The following PNPLA5 variants were observed in gnomAD, a reference collection of about 807,000 sequenced individuals.
PNPLA5 encodes patatin-like phospholipase domain-containing protein 5.
PNPLA5 carries 44 observed loss-of-function variants against 49.1 expected under a neutral mutation model. The ratio of observed to expected loss-of-function variants is 0.90; its 90% confidence interval spans 0.70 to 1.15. The LOEUF (loss-of-function observed/expected upper bound fraction) is 1.15, where lower values mean the gene tolerates loss of function less well. Among genes scored for constraint, PNPLA5 ranks in the 50% most tolerant of loss-of-function variants. The pLI is 0.00. For synonymous variants in PNPLA5, 243 were observed against 244.4 expected (o/e 0.99, Z 0.06); for missense variants, 603 against 564.0 (o/e 1.07, Z -0.70).
Position 43,889,309 on chromosome 22 carries a change from C to A in PNPLA5, c.702+20G>T. On this transcript the variant is annotated intron_variant, in intron 4 of 8. Coordinates refer to ENST00000216177, the MANE Select transcript of PNPLA5 (RefSeq NM_138814.4). ...TTGACCTTGGCCAAGCCTCTAACAC[C>A]ATCACAGGGCCAGACCTACCTCGAG... The A allele has an allele frequency of 6.2e-7, 1 of 1,612,530 alleles. No homozygotes were observed. The highest frequency in any genetic ancestry group is 8.5e-7 in the Non-Finnish European group (1 of 1,179,752).
intron 2 of PNPLA5, chr22:43,890,141 T>G: frequency 1.1e-6 from 1 of 914,658 alleles, no homozygotes; most frequent in Non-Finnish European, 1.3e-6. Context: ...CCCCAAAGAG[T>G]GGCCCAGACT....
Position 43,880,315 on chromosome 22 carries a change from G to T in PNPLA5, c.*480C>A, listed in dbSNP as rs923839994. On this transcript the variant is annotated 3_prime_UTR_variant, in exon 9 of 9. Coordinates refer to ENST00000216177, the MANE Select transcript of PNPLA5 (RefSeq NM_138814.4). The stretch of plus-strand genomic sequence containing the variant: ...ATTCAGAAGTCAAGGTTTCCTGAGT[G>T]GGGTAGATGCCGGGGGTCACCCCCA... The T allele has an allele frequency of 2.5e-6, 1 of 398,244 alleles. No homozygotes were observed. Among genetic ancestry groups the T allele is most frequent in the Non-Finnish European group, 4.4e-6 (1 of 226,118 alleles). The allele number at this position is 398,244 out of a possible 1,614,324, so 24.7% of individuals were successfully genotyped here.
At position 43,880,225 on chromosome 22, in the gene PNPLA5, T is replaced by A. The variant is rs138129; in HGVS notation, c.*570A>T. ...CCACAGCTGGGATCCTGAAAAGACCTGGACCCCCCTCTCCTCCTCCTCCTG... is the reference window on the plus strand; with the variant it reads ...CCACAGCTGGGATCCTGAAAAGACCAGGACCCCCCTCTCCTCCTCCTCCTG... On this transcript the variant is annotated 3_prime_UTR_variant, in exon 9 of 9. Coordinates refer to ENST00000216177, the MANE Select transcript of PNPLA5 (RefSeq NM_138814.4). The A allele has an allele frequency of 1.9e-4, 75 of 394,104 alleles. No individual in the cohort carries two copies. The highest frequency in any genetic ancestry group is 3.2e-4 in the Non-Finnish European group (72 of 223,946). The allele number at this position is 394,104 out of a possible 1,614,324, so 24.4% of individuals were successfully genotyped here. A position where few individuals can be genotyped will look rare whatever the true frequency, so the allele number is the denominator to read the frequency against.
rs139105784 is a variant in PNPLA5 at position 43,880,435 on chromosome 22, T to C, written c.*360A>G. 67 of 398,726 alleles carry C rather than the reference T, an allele frequency of 1.7e-4. No individual in the cohort carries two copies. The Middle Eastern group carries it at 2.5e-3, about 15-fold the overall frequency. 24.7% of individuals were successfully genotyped at this position (398,726 alleles called of 1,614,324 possible). On this transcript the variant is annotated 3_prime_UTR_variant, in exon 9 of 9. Transcript: ENST00000216177. ...GTCTCTGACGCGGGCATCAGGCACT[T>C]TCTCAATCTTCTGTGAGGTGCTCCG...
At position 43,891,835 on chromosome 22, in the gene PNPLA5, C is replaced by A; in HGVS notation, c.46G>T (p.Gly16Cys). ...TGGTGGGCGCCCAGGTAGCCGGCGC[C>A]GGAGAAGGACAGGTTCCATCTGCCC... is the stretch of plus-strand genomic sequence containing the variant. Reference protein sequence around the residue: ...EEGRWNLSFSGAGYLGAHHVG... With the variant: ...EEGRWNLSFSCAGYLGAHHVG... The change falls in exon 1 of 9, where the codon GGC becomes TGC. Residue 16 changes from glycine (G) to cysteine (C), a missense_variant. Physicochemically the swap from Gly to Cys is radical, Grantham distance 159. Coordinates refer to ENST00000216177, the MANE Select transcript of PNPLA5 (RefSeq NM_138814.4). The A allele has an allele frequency of 1.3e-6, 2 of 1,519,474 alleles. No individual in the cohort carries two copies. The highest frequency in any genetic ancestry group is 1.8e-6 in the Non-Finnish European group (2 of 1,138,608). The allele number at this position is 1,519,474 out of a possible 1,614,324, so 94.1% of individuals were successfully genotyped here. A position where few individuals can be genotyped will look rare whatever the true frequency, so the allele number is the denominator to read the frequency against.
chr22:43,884,637 C>G (rs1051663195), intron 6 of PNPLA5, among the ~76,000 whole-genome samples: 1 of 152,210 alleles, frequency 6.6e-6, no homozygotes, highest in African/African-American at 2.4e-5. Context: ...GACTTGAGGA[C>G]TCTCAGGCTC....
At chr22:43,891,362 C>T (rs1323149049) in intron 1 of PNPLA5, 68 bp from the exon 2 acceptor site, 5 of 1,483,718 alleles carry the variant, frequency 3.4e-6, no homozygotes, top group Non-Finnish European at 4.4e-6. Context: ...CACACCCCCA[C>T]TGCCCTCCTA....
chr22:43,886,514 A>G, intron 5 of PNPLA5, 26 bp from the exon 6 acceptor site: 1 of 1,594,132 alleles, frequency 6.3e-7, no homozygotes, highest in Non-Finnish European at 8.5e-7. Context: ...GGAGAGGATA[A>G]GTCAAGCATC....
intron 1 of PNPLA5, 83 bp downstream of exon 1, chr22:43,891,605 C>A: frequency 6.9e-7 from 1 of 1,440,458 alleles, no homozygotes; most frequent in East Asian, 2.6e-5. Flanking sequence ...CAGAGCACAG[C>A]GCCAGGCACC....
chr22:43,880,937 G>GGT, intron 8 of PNPLA5, 52 bp from the exon 9 acceptor site: 1 of 1,301,874 alleles, frequency 7.7e-7, no homozygotes, highest in African/African-American at 1.5e-5. Flanking sequence ...GGGAAGGGTA[G>GGT]GTGAAACCAC....
In PNPLA5 at chr22:43,886,446, T is replaced by C. The variant is rs1308294526; in HGVS notation, c.806A>G (p.Glu269Gly). 6.2e-7 allele frequency: 1 copy of C among 1,614,050 alleles called. No homozygotes were observed. The highest frequency in any genetic ancestry group is 1.1e-5 in the South Asian group (1 of 91,076). The change falls in exon 6 of 9, where the codon GAA (glutamate) becomes GGA (glycine). Residue 269 changes from glutamate (E) to glycine (G), a missense_variant. By Grantham distance (98) the Glu-to-Gly change is moderately conservative. Transcript: ENST00000216177. ...EPVLWTLVSK[E>G]PPAPADGNWD... is the part of the protein sequence containing the mutation. ...GTTTCCGTCAGCCGGGGCTGGGGGT[T>C]CCTTAGACACCAGCGTCCATAGCAC...
In PNPLA5 at chr22:43,880,405, C is replaced by T. The variant is rs2049596058; in HGVS notation, c.*390G>A. On this transcript the variant is annotated 3_prime_UTR_variant, in exon 9 of 9. Transcript: ENST00000216177. The stretch of plus-strand genomic sequence containing the variant: ...CCCACCCCATCATCTCAGTTGGCTC[C>T]TCTGGTCTCTGACGCGGGCATCAGG... 2.5e-6 allele frequency: 1 copy of T among 398,796 alleles called. No individual in the cohort carries two copies. The highest frequency in any genetic ancestry group is 4.4e-6 in the Non-Finnish European group (1 of 226,184). 24.7% of individuals were successfully genotyped at this position (398,796 alleles called of 1,614,324 possible).
rs1035167630 is a variant in PNPLA5, at chr22:43,891,896, C to T, written c.-16G>A. The T allele has an allele frequency of 1.3e-5, 19 of 1,504,968 alleles. No homozygotes were observed. In the Admixed American group the frequency reaches 1.4e-4, roughly 11 times the overall value. The allele number at this position is 1,504,968 out of a possible 1,614,324, so 93.2% of individuals were successfully genotyped here. ...AGAAGCCCATGGCGGGTGGACCGGG[C>T]GGGGTGATCGGGACGAGGAAGGGTC... On this transcript the variant is annotated 5_prime_UTR_variant, in exon 1 of 9. Coordinates refer to ENST00000216177, the MANE Select transcript of PNPLA5 (RefSeq NM_138814.4).
intron 1 of PNPLA5, 68 bp downstream of exon 1, chr22:43,891,620 T>TCTCTGG (rs2049724052): frequency 1.4e-6 from 2 of 1,465,098 alleles, no homozygotes; most frequent in East Asian, 5.1e-5. Context: ...GGCACCAGCG[T>TCTCTGG]CTCTGGGCTC....
intron 2 of PNPLA5, chr22:43,890,128 G>C: frequency 3.1e-6 from 3 of 972,464 alleles, no homozygotes; most frequent in Non-Finnish European, 3.7e-6. Context: ...AGCCAGCCGG[G>C]GACCCCAAAG....
intron 2 of PNPLA5, 87 bp from the exon 3 acceptor site, chr22:43,889,951 C>T (rs1357306982): frequency 1.9e-6 from 3 of 1,543,656 alleles, no homozygotes; most frequent in Non-Finnish European, 2.6e-6. Context: ...ATCCCAACAG[C>T]CTGCAAAGGA....
At chr22:43,890,634 A>T (rs2049712865) in intron 2 of PNPLA5, among the ~76,000 whole-genome samples, 1 of 152,200 alleles carries the variant, frequency 6.6e-6, no homozygotes, top group Admixed American at 6.5e-5. Flanking sequence ...TAGAAGCCCC[A>T]GGAAGGCAAG....
chr22:43,889,314 C>G lies in PNPLA5; in HGVS notation c.702+15G>C. 1 of 1,612,962 alleles carries G rather than the reference C, an allele frequency of 6.2e-7. No individual in the cohort carries two copies. Among genetic ancestry groups the G allele is most frequent in the Non-Finnish European group, 8.5e-7 (1 of 1,179,804 alleles). On this transcript the variant is annotated intron_variant, in intron 4 of 8. Transcript: ENST00000216177. Reference sequence around the variant, plus strand: ...CTTGGCCAAGCCTCTAACACCATCACAGGGCCAGACCTACCTCGAGGCTGG... The same window carrying G: ...CTTGGCCAAGCCTCTAACACCATCAGAGGGCCAGACCTACCTCGAGGCTGG...
rs2049729135 is a variant in PNPLA5, at chr22:43,891,829, C to G, written c.52G>C (p.Gly18Arg). 2 of 1,519,678 alleles carry G rather than the reference C, an allele frequency of 1.3e-6. No individual in the cohort carries two copies. Among genetic ancestry groups the G allele is most frequent in the Non-Finnish European group, 1.8e-6 (2 of 1,138,664 alleles). The allele number at this position is 1,519,678 out of a possible 1,614,324, so 94.1% of individuals were successfully genotyped here. The part of the protein sequence containing the change: ...GRWNLSFSGA[G>R]YLGAHHVGAT... Reference sequence around the variant, plus strand: ...CCCACGTGGTGGGCGCCCAGGTAGCCGGCGCCGGAGAAGGACAGGTTCCAT... The same window carrying G: ...CCCACGTGGTGGGCGCCCAGGTAGCGGGCGCCGGAGAAGGACAGGTTCCAT... The change falls in exon 1 of 9, where the codon GGC becomes CGC. Residue 18 changes from glycine (G) to arginine (R), a missense_variant. By Grantham distance (125) the Gly-to-Arg change is moderately radical (BLOSUM62 -2). Transcript: ENST00000216177.
Sources: gnomAD v4.1 joint callset for allele counts (sites outside exome capture counted in the v4.1 genomes callset) on GRCh38, gnomAD v4.1.1 for gene constraint, MANE v1.5 for transcripts, NCBI Gene and HGNC (gene_info 2026-07-23, HGNC 2026-07-21) for gene names.